LDB2: variants seen among roughly 807,000 people sequenced by gnomAD.
The protein encoded by LDB2 is LIM domain-binding protein 2.
Under a neutral mutation model 44.3 loss-of-function variants are expected in LDB2, and 12 were observed. The observed-to-expected ratio is 0.27, with a 90% CI of 0.17 to 0.44. The LOEUF is 0.44. LDB2 is among the 20% of genes least tolerant of loss of function. The probability of loss-of-function intolerance (pLI) is 1.00; values close to 1 mark genes in which losing one functional copy is unlikely to be tolerated. For synonymous variants in LDB2, 164 were observed against 174.8 expected (o/e 0.94, Z 0.49); for missense variants, 344 against 473.5 (o/e 0.73, Z 2.54).
intron 1 of LDB2, among the ~76,000 whole-genome samples, chr4:16,788,750 C>A (rs1383472457): frequency 6.6e-6 from 1 of 152,186 alleles, no homozygotes; most frequent in African/African-American, 2.4e-5. Context: ...TTTGGAACTG[C>A]CTTGCGTCGA....
chr4:16,567,441 C>G (rs1744946973), intron 5 of LDB2, among the ~76,000 whole-genome samples: 1 of 151,886 alleles, frequency 6.6e-6, no homozygotes, highest in South Asian at 2.1e-4. Flanking sequence ...GCAATATATG[C>G]TTGTATATTC....
chr4:16,747,740 C>T (rs931766903), intron 2 of LDB2, among the ~76,000 whole-genome samples: 12 of 152,142 alleles, frequency 7.9e-5, no homozygotes, highest in Admixed American at 3.9e-4. Context: ...ACCTGAGAAC[C>T]ATCTCAGGTG....
At chr4:16,759,917 T>C (rs1335774830) in intron 1 of LDB2, among the ~76,000 whole-genome samples, 1 of 152,210 alleles carries the variant, frequency 6.6e-6, no homozygotes, top group Non-Finnish European at 1.5e-5. Flanking sequence ...GCCATCCATA[T>C]GAATTCTGTT....
intron 2 of LDB2, among the ~76,000 whole-genome samples, chr4:16,625,227 C>T (rs1729962705): frequency 6.6e-6 from 1 of 152,156 alleles, no homozygotes; most frequent in African/African-American, 2.4e-5. Context: ...TCTTATAGCC[C>T]CTTTGAATCA....
intron 1 of LDB2, among the ~76,000 whole-genome samples, chr4:16,816,575 A>T (rs1579938335): frequency 6.6e-6 from 1 of 150,568 alleles, no homozygotes; most frequent in South Asian, 2.1e-4. Flanking sequence ...CATCCAACTA[A>T]TTTTTTTGTA....
chr4:16,773,998 C>CAAAAA (rs60133554), intron 1 of LDB2, among the ~76,000 whole-genome samples: 1 of 128,360 alleles, frequency 7.8e-6, no homozygotes, highest in African/African-American at 3.0e-5. Flanking sequence ...ACTAAAAATA[C>CAAAAA]AAAAAAAATA....
intron 1 of LDB2, among the ~76,000 whole-genome samples, chr4:16,797,610 G>T (rs1776981371): frequency 6.6e-6 from 1 of 151,984 alleles, no homozygotes; most frequent in East Asian, 1.9e-4. Context: ...TCGGGTCCTA[G>T]GGTTCTCTAG....
rs564484666 is a variant in LDB2, at chr4:16,790,518, A to C, written c.133-31258T>G. 2.8e-4 allele frequency among the ~76,000 whole-genome samples: 43 copies of C among 152,330 alleles called. 1 individual carries two copies. The highest frequency in any genetic ancestry group is 9.6e-4 in the African/African-American group (40 of 41,560). On this transcript the variant is annotated intron_variant, in intron 1 of 7. Coordinates refer to ENST00000304523, the MANE Select transcript of LDB2 (RefSeq NM_001290.5). Reference sequence around the variant, plus strand: ...TTGGTTTTCCATAGGAAAAAAATATATAAATAAAAATGTACATACCACCTA... The same window carrying C: ...TTGGTTTTCCATAGGAAAAAAATATCTAAATAAAAATGTACATACCACCTA...
intron 7 of LDB2, chr4:16,503,078 A>C: frequency 6.5e-7 from 1 of 1,537,842 alleles, no homozygotes; most frequent in Non-Finnish European, 8.7e-7. Flanking sequence ...CAACCACGCG[A>C]GTTTATGTCC....
At chr4:16,773,016 T>C (rs1223332456) in intron 1 of LDB2, among the ~76,000 whole-genome samples, 1 of 152,188 alleles carries the variant, frequency 6.6e-6, no homozygotes. Flanking sequence ...AGAAGAATTA[T>C]TTGATGAGGA....
chr4:16,755,560 A>C (rs74435563), intron 2 of LDB2, among the ~76,000 whole-genome samples: 2,301 of 116,650 alleles, frequency 0.02, 53 homozygotes, highest in East Asian at 0.076. Context: ...ACAGAGAGAG[A>C]GAGAGAGCAA....
At chr4:16,654,284 C>T (rs185087957) in intron 2 of LDB2, among the ~76,000 whole-genome samples, 182 of 152,104 alleles carry the variant, frequency 1.2e-3, no homozygotes, top group Non-Finnish European at 2.2e-3. Context: ...CCTCCAAATC[C>T]CTGTTTTGTC....
intron 5 of LDB2, among the ~76,000 whole-genome samples, chr4:16,552,100 C>G (rs533216535): frequency 6.6e-6 from 1 of 151,994 alleles, no homozygotes; most frequent in African/African-American, 2.4e-5. Context: ...TTTGATTTGG[C>G]CTTTATCCTT....
chr4:16,628,915 C>T (rs1284874730), intron 2 of LDB2, among the ~76,000 whole-genome samples: 2 of 152,188 alleles, frequency 1.3e-5, no homozygotes, highest in African/African-American at 4.8e-5. Context: ...CTGCACTTTT[C>T]CCATGGTCTC....
In LDB2 at chr4:16,508,635, G is replaced by A. The variant is rs370590959; in HGVS notation, c.791C>T (p.Thr264Ile). 54 of 1,613,648 alleles carry A rather than the reference G, an allele frequency of 3.3e-5. No individual in the cohort carries two copies. The highest frequency in any genetic ancestry group is 1.8e-5 in the Non-Finnish European group (21 of 1,179,854). ...TTKRRKRKNS[T>I]SSTSNSSAGN... ...AGCGCTGCTGTTGGAAGTGCTGCTGGTGGAATTTTTCCTTTTTCTCCGTTT... is the reference window on the plus strand; with the variant it reads ...AGCGCTGCTGTTGGAAGTGCTGCTGATGGAATTTTTCCTTTTTCTCCGTTT... The change falls in exon 7 of 8, where the codon ACC becomes ATC. Residue 264 changes from threonine (T) to isoleucine (I), a missense_variant. By Grantham distance (89) the Thr-to-Ile change is moderately conservative (BLOSUM62 -1). Around this residue, in one of 3 missense-constraint regions of LDB2, gnomAD observed 86 missense variants for 171.2 expected, o/e 0.50. Coordinates refer to ENST00000304523, the MANE Select transcript of LDB2 (RefSeq NM_001290.5).
chr4:16,637,299 ATTTTT>A (rs34484721), intron 2 of LDB2, among the ~76,000 whole-genome samples: 12 of 85,504 alleles, frequency 1.4e-4, no homozygotes, highest in African/African-American at 4.4e-4. Flanking sequence ...GCCTAGGCTG[ATTTTT>A]TTTTTTTTTT....
At chr4:16,744,467 AT>A (rs199932720) in intron 2 of LDB2, among the ~76,000 whole-genome samples, 1 of 136,268 alleles carries the variant, frequency 7.3e-6, no homozygotes, top group Non-Finnish European at 1.6e-5. Flanking sequence ...AAGTCACGTG[AT>A]TTTTTTTTGC....
At chr4:16,766,878 T>G (rs1357645322) in intron 1 of LDB2, among the ~76,000 whole-genome samples, 1 of 152,180 alleles carries the variant, frequency 6.6e-6, no homozygotes, top group Non-Finnish European at 1.5e-5. Flanking sequence ...CGGTAATACA[T>G]TTTATTTAAA....
intron 1 of LDB2, among the ~76,000 whole-genome samples, chr4:16,822,581 C>T (rs1782301450): frequency 6.6e-6 from 1 of 152,114 alleles, no homozygotes; most frequent in Admixed American, 6.6e-5. Flanking sequence ...TACAGTGGCA[C>T]GATCTCGGCT....
Sources: allele counts gnomAD v4.1 joint callset (sites outside exome capture counted in the v4.1 genomes callset), GRCh38; gene constraint gnomAD v4.1.1; regional missense constraint gnomAD v4.1.1; transcripts MANE v1.5; gene names NCBI Gene and HGNC (gene_info 2026-07-23, HGNC 2026-07-21).